DHRSX: variants seen among roughly 807,000 people sequenced by gnomAD.
The protein encoded by DHRSX is polyprenol dehydrogenase.
Under a neutral mutation model 34.0 loss-of-function variants are expected in DHRSX, and 31 were observed. The ratio of observed to expected loss-of-function variants is 0.91; its 90% CI spans 0.69 to 1.23. DHRSX has a LOEUF of 1.23. Among genes scored for constraint, DHRSX ranks in the 50% most tolerant of loss-of-function variants. The pLI, the probability that DHRSX is intolerant of heterozygous loss-of-function variation, is 0.00. For synonymous variants in DHRSX, 201 were observed against 183.8 expected (o/e 1.09, Z -0.76); for missense variants, 414 against 428.1 (o/e 0.97, Z 0.29).
intron 3 of DHRSX, among the ~76,000 whole-genome samples, chrX:2,379,843 G>A (rs2043184041): frequency 6.6e-6 from 1 of 151,794 alleles, no homozygotes; most frequent in South Asian, 2.1e-4. Context: ...GAACACAGAG[G>A]GATATTTGCA....
chrX:2,450,121 G>A (rs2044195721), intron 1 of DHRSX, among the ~76,000 whole-genome samples: 1 of 102,420 alleles, frequency 9.8e-6, no homozygotes, highest in South Asian at 3.1e-4. Context: ...ATTCCAATTA[G>A]TGCCTCAAAA....
At chrX:2,496,900 T>C (rs2045299851) in intron 1 of DHRSX, among the ~76,000 whole-genome samples, 1 of 149,210 alleles carries the variant, frequency 6.7e-6, no homozygotes. Flanking sequence ...TTAATAAAAA[T>C]AAAATATAAA....
At chrX:2,303,017 C>T in intron 3 of DHRSX, among the ~76,000 whole-genome samples, 1 of 152,262 alleles carries the variant, frequency 6.6e-6, no homozygotes, top group East Asian at 1.9e-4. Context: ...TCCACAAAAA[C>T]ACTTGTGGGG....
rs1371842369 is a variant in DHRSX at position 2,374,691 on chromosome X, A to T, written c.286+34054T>A. The stretch of plus-strand genomic sequence containing the variant: ...GAGGCGGAGGTTGCAGTGAGCCGAG[A>T]TCACGCCATTGCACTCTAGCCCGGG... On this transcript the variant is annotated intron_variant, in intron 3 of 6. Transcript: ENST00000334651. 1.5e-5 allele frequency among the ~76,000 whole-genome samples: 2 copies of T among 137,238 alleles called. 1 individual carries two copies. Among genetic ancestry groups the T allele is most frequent in the Non-Finnish European group, 3.4e-5 (2 of 58,094 alleles). 90.0% of individuals were successfully genotyped at this position (137,238 alleles called of 152,430 possible). A position where few individuals can be genotyped will look rare whatever the true frequency, so the allele number is the denominator to read the frequency against.
At chrX:2,483,596 T>G (rs2044807447) in intron 1 of DHRSX, among the ~76,000 whole-genome samples, 1 of 152,052 alleles carries the variant, frequency 6.6e-6, no homozygotes, top group South Asian at 2.1e-4. Flanking sequence ...TCAGCAATTC[T>G]GAGAAGACAC....
intron 1 of DHRSX, among the ~76,000 whole-genome samples, chrX:2,468,382 T>TCC (rs2044529925): frequency 6.6e-6 from 1 of 152,136 alleles, no homozygotes; most frequent in African/African-American, 2.4e-5. Context: ...GCTGCGTCTC[T>TCC]CACTGTGCCT....
chrX:2,240,025 GC>G (rs1473255539), intron 6 of DHRSX, among the ~76,000 whole-genome samples: 7 of 151,516 alleles, frequency 4.6e-5, no homozygotes, highest in African/African-American at 1.7e-4. Context: ...GGGCGCGGTG[GC>G]TCACGCCTGT....
intron 2 of DHRSX, among the ~76,000 whole-genome samples, chrX:2,416,254 T>C (rs1042837530): frequency 6.6e-6 from 1 of 151,914 alleles, no homozygotes; most frequent in African/African-American, 2.4e-5. Context: ...CCCAACTGGA[T>C]CTCATCAGGA....
intron 3 of DHRSX, among the ~76,000 whole-genome samples, chrX:2,373,918 G>A (rs1331848602): frequency 6.6e-6 from 1 of 152,152 alleles, no homozygotes; most frequent in Non-Finnish European, 1.5e-5. Context: ...GGAAGAGGAA[G>A]CCACAGGAAG....
At chrX:2,243,931 G>A (rs193136489) in intron 5 of DHRSX, among the ~76,000 whole-genome samples, 110 of 149,370 alleles carry the variant, frequency 7.4e-4, no homozygotes, top group African/African-American at 2.3e-3. Flanking sequence ...CACCACGCCC[G>A]GCTAATTTTT....
At chrX:2,459,295 A>C (rs921082400) in intron 1 of DHRSX, among the ~76,000 whole-genome samples, 4 of 151,992 alleles carry the variant, frequency 2.6e-5, no homozygotes, top group Non-Finnish European at 5.9e-5. Flanking sequence ...CACCAAAAAA[A>C]CGAAGTGAGG....
chrX:2,387,478 T>A (rs1220256799), intron 3 of DHRSX, among the ~76,000 whole-genome samples: 1 of 151,536 alleles, frequency 6.6e-6, no homozygotes, highest in Non-Finnish European at 1.5e-5. Context: ...TGGAGTCCAG[T>A]TTTCCAGGGC....
In DHRSX at chrX:2,336,871, C is replaced by T. The variant is rs113537943; in HGVS notation, c.287-45268G>A. On this transcript the variant is annotated intron_variant, in intron 3 of 6. Coordinates refer to ENST00000334651, the MANE Select transcript of DHRSX (RefSeq NM_145177.3). ...GATATAGATAGATAGATTTATTTTA[C>T]TTTAAGTTGCAAGATACATATGCAG... 1.9e-4 allele frequency among the ~76,000 whole-genome samples: 29 copies of T among 151,770 alleles called. No homozygotes were observed. In the South Asian group the frequency reaches 5.4e-3, roughly 28 times the overall value.
rs1209058053 is a variant in DHRSX at position 2,373,407 on chromosome X, G to A, written c.286+35338C>T. On this transcript the variant is annotated intron_variant, in intron 3 of 6. Transcript: ENST00000334651. ...GAAGCTATGCTGTGTTCTGAGGCGA[G>A]GCTGGAATTTCAAAACCAGCTTTTC... is the stretch of plus-strand genomic sequence containing the variant. 2.0e-5 allele frequency among the ~76,000 whole-genome samples: 3 copies of A among 152,162 alleles called. 1 individual carries two copies. Among genetic ancestry groups the A allele is most frequent in the Admixed American group, 6.5e-5 (1 of 15,270 alleles).
intron 1 of DHRSX, among the ~76,000 whole-genome samples, chrX:2,484,028 C>T (rs971005535): frequency 9.9e-5 from 15 of 152,122 alleles, no homozygotes; most frequent in African/African-American, 1.7e-4. Flanking sequence ...CAGGATGGAG[C>T]GCAGTGGCAC....
intron 3 of DHRSX, among the ~76,000 whole-genome samples, chrX:2,333,340 G>C (rs2042506856): frequency 6.6e-6 from 1 of 152,120 alleles, no homozygotes; most frequent in Non-Finnish European, 1.5e-5. Flanking sequence ...TCCATGTGCA[G>C]GTTTGTTGCA....
At chrX:2,367,366 A>G (rs994140998) in intron 3 of DHRSX, among the ~76,000 whole-genome samples, 1 of 150,624 alleles carries the variant, frequency 6.6e-6, no homozygotes, top group Non-Finnish European at 1.5e-5. Flanking sequence ...TGAACCTGGG[A>G]GGCAGAGGAT....
chrX:2,329,289 T>C (rs1478835001), intron 3 of DHRSX, among the ~76,000 whole-genome samples: 1 of 152,082 alleles, frequency 6.6e-6, no homozygotes, highest in Non-Finnish European at 1.5e-5. Flanking sequence ...AATAGAAGGC[T>C]TTGTTTGGAG....
intron 6 of DHRSX, among the ~76,000 whole-genome samples, chrX:2,225,456 TTATA>T (rs909979176): frequency 2.7e-4 from 41 of 152,210 alleles, no homozygotes; most frequent in African/African-American, 7.9e-4. Context: ...GCAAACATGC[TTATA>T]TATTCATTTG....
Sources: gnomAD v4.1 joint callset for allele counts (sites outside exome capture counted in the v4.1 genomes callset) on GRCh38, gnomAD v4.1.1 for gene constraint, MANE v1.5 for transcripts, NCBI Gene and HGNC (gene_info 2026-07-23, HGNC 2026-07-21) for gene names.